The following CNTN5 variants were observed in gnomAD, a reference collection of about 807,000 sequenced individuals.
CNTN5 encodes contactin 5.
A neutral mutation model predicts 129.1 loss-of-function variants in CNTN5; 77 were observed. The observed-to-expected ratio is 0.60, with a 90% CI of 0.50 to 0.72. The LOEUF is 0.72. Ranked by LOEUF, CNTN5 falls within the 30% of genes least tolerant of loss-of-function variation. The pLI, the probability that CNTN5 is intolerant of heterozygous loss-of-function variation, is 0.00. For missense variants in CNTN5, 1,478 were observed against 1,328.8 expected (o/e 1.11, Z -1.75); for synonymous variants, 509 against 465.6 (o/e 1.09, Z -1.20).
At chr11:99,821,146 A>G (rs1481900441) in intron 4 of CNTN5, among the ~76,000 whole-genome samples, 1 of 152,040 alleles carries the variant, frequency 6.6e-6, no homozygotes, top group Non-Finnish European at 1.5e-5. Flanking sequence ...GCATTAAGGT[A>G]GAAAATCAAG....
intron 3 of CNTN5, among the ~76,000 whole-genome samples, chr11:99,811,405 A>G (rs569380016): frequency 2.3e-4 from 34 of 150,546 alleles, no homozygotes; most frequent in Admixed American, 2.1e-3. Context: ...AAATATTGCC[A>G]TAAAGAATTT....
chr11:100,309,701 A>C (rs1260445731), intron 21 of CNTN5: 1 of 984,804 alleles, frequency 1.0e-6, no homozygotes, highest in Non-Finnish European at 1.2e-6. Context: ...TGAATGAATA[A>C]ATGTTTGTGT....
chr11:100,342,036 G>C (rs1049499462), intron 23 of CNTN5, among the ~76,000 whole-genome samples: 2 of 151,854 alleles, frequency 1.3e-5, no homozygotes, highest in East Asian at 3.9e-4. Context: ...TACATAAAAT[G>C]CTAAAATTTA....
chr11:99,617,120 G>A (rs112370107), intron 3 of CNTN5, among the ~76,000 whole-genome samples: 10,554 of 148,662 alleles, frequency 0.071, 409 homozygotes, highest in East Asian at 0.11. Flanking sequence ...CAAACAAAAC[G>A]TAACAAAAAC....
At position 100,229,526 on chromosome 11, in the gene CNTN5, T is replaced by A. The variant is rs576513001; in HGVS notation, c.2005+4714T>A. 1.1e-4 allele frequency among the ~76,000 whole-genome samples: 16 copies of A among 152,334 alleles called. No homozygotes were observed. The East Asian group carries it at 3.1e-3, about 29-fold the overall frequency. ...CAAATTCTGTCCAAGTGCTAATCTTTAGTGATTCTCACTAGCAAGAGAGAA... is the reference window on the plus strand; with the variant it reads ...CAAATTCTGTCCAAGTGCTAATCTTAAGTGATTCTCACTAGCAAGAGAGAA... On this transcript the variant is annotated intron_variant, in intron 16 of 24. Transcript: ENST00000524871.
At chr11:99,189,768 G>T (rs1192903764) in intron 1 of CNTN5, among the ~76,000 whole-genome samples, 2 of 151,472 alleles carry the variant, frequency 1.3e-5, no homozygotes, top group Non-Finnish European at 3.0e-5. Flanking sequence ...ATTTTTTGCT[G>T]TTGAGTTTTT....
intron 1 of CNTN5, among the ~76,000 whole-genome samples, chr11:99,237,606 G>T (rs954901225): frequency 2.6e-5 from 4 of 152,030 alleles, no homozygotes; most frequent in Admixed American, 2.6e-4. Flanking sequence ...GTTTGAACCC[G>T]GGAGGCGGAG....
chr11:100,273,091 A>G (rs958081585), intron 18 of CNTN5, among the ~76,000 whole-genome samples: 2 of 151,858 alleles, frequency 1.3e-5, no homozygotes, highest in African/African-American at 4.8e-5. Context: ...CCTAAGCAAC[A>G]CCTTAGTCTG....
At chr11:99,606,644 A>G (rs1424814151) in intron 3 of CNTN5, among the ~76,000 whole-genome samples, 1 of 136,448 alleles carries the variant, frequency 7.3e-6, no homozygotes, top group African/African-American at 2.7e-5. Flanking sequence ...CACCAAGTCA[A>G]TCCTAAGCCA....
At chr11:99,341,238 A>G (rs749840661) in intron 2 of CNTN5, among the ~76,000 whole-genome samples, 19 of 152,308 alleles carry the variant, frequency 1.2e-4, no homozygotes, top group Non-Finnish European at 2.5e-4. Context: ...CAATAAATAA[A>G]ACATTGAATA....
intron 13 of CNTN5, among the ~76,000 whole-genome samples, chr11:100,164,206 ACAAT>A (rs1947548506): frequency 6.6e-6 from 1 of 151,732 alleles, no homozygotes; most frequent in Non-Finnish European, 1.5e-5. Context: ...GACGATATGG[ACAAT>A]CAAAGGCAAA....
chr11:100,108,233 G>A (rs992669635), intron 13 of CNTN5, among the ~76,000 whole-genome samples: 2 of 151,950 alleles, frequency 1.3e-5, no homozygotes, highest in African/African-American at 4.8e-5. Flanking sequence ...TATTGAGCTT[G>A]GATAGAATTC....
intron 2 of CNTN5, among the ~76,000 whole-genome samples, chr11:99,490,869 C>T (rs962437042): frequency 6.6e-6 from 1 of 152,018 alleles, no homozygotes; most frequent in Non-Finnish European, 1.5e-5. Context: ...CTTAGGGAAT[C>T]CTCTGGGCAG....
chr11:99,738,136 T>C (rs7129217), intron 3 of CNTN5, among the ~76,000 whole-genome samples: 92,354 of 152,002 alleles, frequency 0.61, 29,033 homozygotes, highest in African/African-American at 0.77. Context: ...TCAAATCATA[T>C]GTTGACATCT....
chr11:99,276,610 G>A (rs189401772), intron 1 of CNTN5, among the ~76,000 whole-genome samples: 1 of 151,570 alleles, frequency 6.6e-6, no homozygotes, highest in African/African-American at 2.4e-5. Flanking sequence ...TAAGAAGAAT[G>A]TCTTAGAAAT....
At chr11:99,042,172 T>G (rs1864009843) in intron 1 of CNTN5, among the ~76,000 whole-genome samples, 1 of 152,062 alleles carries the variant, frequency 6.6e-6, no homozygotes, top group Admixed American at 6.6e-5. Context: ...CATACCTCCC[T>G]TCTTTATTTT....
chr11:100,152,665 A>C (rs1490497893), intron 13 of CNTN5, among the ~76,000 whole-genome samples: 1 of 152,090 alleles, frequency 6.6e-6, no homozygotes, highest in Non-Finnish European at 1.5e-5. Context: ...AAGGTATCTG[A>C]ATTTTTTTCA....
At chr11:99,608,976 C>T (rs1319755191) in intron 3 of CNTN5, among the ~76,000 whole-genome samples, 2 of 152,160 alleles carry the variant, frequency 1.3e-5, no homozygotes, top group Non-Finnish European at 2.9e-5. Context: ...ATTCTCCTTT[C>T]TCACTGATAA....
chr11:99,903,749 G>C (rs1949420265), intron 6 of CNTN5, among the ~76,000 whole-genome samples: 1 of 152,148 alleles, frequency 6.6e-6, no homozygotes, highest in East Asian at 1.9e-4. Context: ...TTTTTAGAGA[G>C]AATATTTTCA....
Sources: allele counts gnomAD v4.1 joint callset (sites outside exome capture counted in the v4.1 genomes callset), GRCh38; gene constraint gnomAD v4.1.1; transcripts MANE v1.5; gene names NCBI Gene and HGNC (gene_info 2026-07-23, HGNC 2026-07-21).